CLNK: variants seen among roughly 807,000 people sequenced by gnomAD.
CLNK encodes cytokine-dependent hematopoietic cell linker.
A neutral mutation model predicts 68.6 loss-of-function variants in CLNK; 74 were observed. The observed-to-expected ratio is 1.08, with a 90% CI of 0.89 to 1.31. CLNK has a LOEUF of 1.31. Ranked by LOEUF, CLNK falls within the 50% of genes most tolerant of loss-of-function variation. CLNK has a pLI of 0.00. For missense variants in CLNK, 553 were observed against 515.3 expected (o/e 1.07, Z -0.71); for synonymous variants, 198 against 172.2 (o/e 1.15, Z -1.17).
chr4:10,593,701 C>T (rs945958508), intron 3 of CLNK, among the ~76,000 whole-genome samples: 10 of 152,206 alleles, frequency 6.6e-5, no homozygotes, highest in Admixed American at 3.3e-4. Context: ...AGAGGACTCC[C>T]GTCTCCAAAG....
At chr4:10,594,374 C>T (rs919016649) in intron 3 of CLNK, among the ~76,000 whole-genome samples, 2 of 152,232 alleles carry the variant, frequency 1.3e-5, no homozygotes, top group African/African-American at 4.8e-5. Flanking sequence ...GCCTCTCCCT[C>T]CACTTGGAAG....
chr4:10,568,543 A>C (rs1407120630), intron 5 of CLNK, among the ~76,000 whole-genome samples: 1 of 152,256 alleles, frequency 6.6e-6, no homozygotes, highest in Non-Finnish European at 1.5e-5. Flanking sequence ...TTTAAAAAGC[A>C]GAAGAGGAAG....
chr4:10,520,875 C>T, intron 14 of CLNK, 44 bp from the exon 15 acceptor site: 1 of 1,468,196 alleles, frequency 6.8e-7, no homozygotes, highest in Non-Finnish European at 9.4e-7. Flanking sequence ...TAGTATTTCC[C>T]CTTGGTGGTA....
At chr4:10,629,319 A>G (rs1315009260) in intron 2 of CLNK, among the ~76,000 whole-genome samples, 1 of 152,200 alleles carries the variant, frequency 6.6e-6, no homozygotes, top group Non-Finnish European at 1.5e-5. Flanking sequence ...CCACCCTCAC[A>G]GGCTGTGTGA....
intron 2 of CLNK, among the ~76,000 whole-genome samples, chr4:10,628,616 T>G (rs1722768267): frequency 1.3e-5 from 2 of 152,196 alleles, no homozygotes; most frequent in Admixed American, 1.3e-4. Flanking sequence ...TCTCATTCCC[T>G]GGGACGAACT....
At chr4:10,568,579 G>C (rs961289326) in intron 5 of CLNK, among the ~76,000 whole-genome samples, 1 of 152,310 alleles carries the variant, frequency 6.6e-6, no homozygotes, top group East Asian at 1.9e-4. Context: ...AGACAAGAAA[G>C]AAAGAGAGAT....
chr4:10,706,929 C>A, the CLNK span, among the ~76,000 whole-genome samples: 2 of 152,102 alleles, frequency 1.3e-5, no homozygotes, highest in African/African-American at 4.8e-5. Context: ...TCATCAGACC[C>A]CCCTCCCTTT....
chr4:10,611,796 T>C (rs1722042273), intron 2 of CLNK, among the ~76,000 whole-genome samples: 1 of 152,156 alleles, frequency 6.6e-6, no homozygotes, highest in South Asian at 2.1e-4. Context: ...TTCCTCCACT[T>C]CTTACTTCCT....
rs376741471 is a variant in CLNK, at chr4:10,525,885, C to T, written c.687G>A (p.Leu229=). The T allele has an allele frequency of 4.4e-6, 7 of 1,582,736 alleles. No homozygotes were observed. The African/African-American group carries it at 8.1e-5, about 18-fold the overall frequency. Residue 229 remains leucine, a synonymous_variant, in exon 14 of 19, where the codon CTG becomes CTA. Coordinates refer to ENST00000226951, the MANE Select transcript of CLNK (RefSeq NM_052964.4). ...TCTCTTGAGTATTTTGGTTTTCTAA[C>T]AGATGAGTTGATTCAGGCTTCCTCT... ...HNQRKPESTH[L]LENQNTQEIP...
chr4:10,672,061 G>A (rs780391596), intron 1 of CLNK, among the ~76,000 whole-genome samples: 2 of 152,116 alleles, frequency 1.3e-5, no homozygotes, highest in African/African-American at 4.8e-5. Flanking sequence ...TGTGGGCTGC[G>A]ACAAAAATGC....
chr4:10,682,360 C>T (rs979059836), intron 1 of CLNK, among the ~76,000 whole-genome samples: 3 of 152,152 alleles, frequency 2.0e-5, no homozygotes, highest in African/African-American at 7.2e-5. Context: ...CTCTGCAGAA[C>T]TCAAGTCTTG....
At chr4:10,688,751 C>A (rs1186814348), upstream of CLNK, among the ~76,000 whole-genome samples, 2 of 152,144 alleles carry the variant, frequency 1.3e-5, no homozygotes, top group African/African-American at 4.8e-5. Context: ...AACCTGAAAT[C>A]TATTCAAAGA....
intron 3 of CLNK, among the ~76,000 whole-genome samples, chr4:10,595,743 A>G (rs1318430621): frequency 6.6e-6 from 1 of 152,160 alleles, no homozygotes; most frequent in African/African-American, 2.4e-5. Context: ...ACAACTAGCC[A>G]CTGAGCCTCT....
intron 2 of CLNK, among the ~76,000 whole-genome samples, chr4:10,647,018 C>G (rs1432860756): frequency 2.0e-5 from 3 of 152,178 alleles, no homozygotes; most frequent in Non-Finnish European, 4.4e-5. Context: ...TTGTATACAT[C>G]TCTATCCTTG....
At chr4:10,538,311 T>C (rs1212490537) in intron 11 of CLNK, among the ~76,000 whole-genome samples, 1 of 152,204 alleles carries the variant, frequency 6.6e-6, no homozygotes, top group Non-Finnish European at 1.5e-5. Flanking sequence ...TGTATTTTTG[T>C]AGAGATGGGG....
Position 10,598,198 on chromosome 4 carries a change from C to T in CLNK, c.12-149G>A, listed in dbSNP as rs111607075. 1.9e-3 allele frequency: 1,178 copies of T among 614,964 alleles called. 1 individual carries two copies. The highest frequency in any genetic ancestry group is 2.9e-3 in the Non-Finnish European group (1,040 of 354,490). The allele number at this position is 614,964 out of a possible 1,614,324, so 38.1% of individuals were successfully genotyped here. A position where few individuals can be genotyped will look rare whatever the true frequency, so the allele number is the denominator to read the frequency against. On this transcript the variant is annotated intron_variant, in intron 2 of 18. Coordinates refer to ENST00000226951, the MANE Select transcript of CLNK (RefSeq NM_052964.4). ...AATTCTGAATCTCTCTTTGCATTACCACTAGGGTTAAAGAAAATTTGTGTT... is the reference window on the plus strand; with the variant it reads ...AATTCTGAATCTCTCTTTGCATTACTACTAGGGTTAAAGAAAATTTGTGTT...
intron 4 of CLNK, among the ~76,000 whole-genome samples, chr4:10,574,633 G>A (rs1001890198): frequency 6.6e-6 from 1 of 152,118 alleles, no homozygotes; most frequent in African/African-American, 2.4e-5. Context: ...CTTTAAGGGA[G>A]GAGACCACCC....
intron 2 of CLNK, among the ~76,000 whole-genome samples, chr4:10,624,593 G>GTTTTTTTTTTTTTTT (rs10559473): frequency 2.4e-5 from 3 of 122,888 alleles, no homozygotes; most frequent in Non-Finnish European, 3.3e-5. Flanking sequence ...CGCCCGGCCA[G>GTTTTTTTTTTTTTTT]TTTTTTTTTT....
At chr4:10,494,316 C>G (rs1445586675) in intron 18 of CLNK, among the ~76,000 whole-genome samples, 2 of 152,172 alleles carry the variant, frequency 1.3e-5, no homozygotes, top group African/African-American at 4.8e-5. Flanking sequence ...TAGTATCATT[C>G]CTGTTTTAAG....
Sources: allele counts gnomAD v4.1 joint callset (sites outside exome capture counted in the v4.1 genomes callset), GRCh38; gene constraint gnomAD v4.1.1; transcripts MANE v1.5; gene names NCBI Gene and HGNC (gene_info 2026-07-23, HGNC 2026-07-21).